Variants in CCSER1 observed in about 807,000 individuals in gnomAD.
The protein encoded by CCSER1 is coiled-coil serine rich protein 1, also known as serine-rich coiled-coil domain-containing protein 1.
In CCSER1, 41 loss-of-function variants were observed where a neutral mutation model predicts 82.0. The observed-to-expected ratio is 0.50, with a 90% CI of 0.39 to 0.65. CCSER1 has a LOEUF of 0.65. Ranked by LOEUF, CCSER1 falls within the 30% of genes least tolerant of loss-of-function variation. The pLI is 0.00. For synonymous variants in CCSER1, 414 were observed against 383.9 expected, an observed-to-expected ratio of 1.08 and a Z score of -0.92; for missense variants, 1,119 against 1,064.2, an observed-to-expected ratio of 1.05 and a Z score of -0.72.
At chr4:90,625,398 A>C (rs1723081609) in intron 5 of CCSER1, among the ~76,000 whole-genome samples, 2 of 152,182 alleles carry the variant, frequency 1.3e-5, no homozygotes, top group South Asian at 4.1e-4. Context: ...TCAGAAAGAC[A>C]ATGGCAATCA....
intron 6 of CCSER1, among the ~76,000 whole-genome samples, chr4:90,634,082 A>G (rs1246071626): frequency 6.6e-6 from 1 of 151,668 alleles, no homozygotes; most frequent in Non-Finnish European, 1.5e-5. Flanking sequence ...TCTATAAAAG[A>G]AAATGTTTAA....
At position 91,599,018 on chromosome 4, in the gene CCSER1, C is replaced by A. The variant is rs887530915; in HGVS notation, c.2664C>A (p.His888Gln). 29 of 1,549,072 alleles carry A rather than the reference C, an allele frequency of 1.9e-5. No homozygotes were observed. Among genetic ancestry groups the A allele is most frequent in the African/African-American group, 2.7e-5 (2 of 73,000 alleles). Residue 888 changes from histidine (H) to glutamine (Q), a missense_variant, in exon 11 of 11, where the codon CAC becomes CAA. His to Gln is a conservative substitution (Grantham distance 24, BLOSUM62 0). Coordinates refer to ENST00000509176, the MANE Select transcript of CCSER1 (RefSeq NM_001145065.2). The stretch of plus-strand genomic sequence containing the variant: ...ATGTGTTTCTCCACCACAATTTACA[C>A]AGCACTGAGCTGCAAACTCTAGGCC... ...RKNVFLHHNL[H>Q]STELQTLGQQ...
chr4:90,440,568 G>C (rs1045876953), intron 4 of CCSER1, among the ~76,000 whole-genome samples: 2 of 152,174 alleles, frequency 1.3e-5, no homozygotes, highest in African/African-American at 4.8e-5. Context: ...GGTTGGACAG[G>C]CAGTTGGTGG....
At chr4:91,153,976 C>T (rs531272263) in intron 10 of CCSER1, among the ~76,000 whole-genome samples, 1 of 152,086 alleles carries the variant, frequency 6.6e-6, no homozygotes, top group East Asian at 1.9e-4. Context: ...CTTGAGGAGG[C>T]AGTCTGTCCA....
At chr4:90,446,963 A>G (rs376368327) in intron 4 of CCSER1, among the ~76,000 whole-genome samples, 2 of 152,170 alleles carry the variant, frequency 1.3e-5, no homozygotes, top group South Asian at 2.1e-4. Context: ...ACTATATTGT[A>G]AGAATACAGC....
chr4:90,319,522 G>A (rs962483927), intron 3 of CCSER1, among the ~76,000 whole-genome samples: 2 of 152,002 alleles, frequency 1.3e-5, no homozygotes, highest in African/African-American at 2.4e-5. Context: ...GTGGTGGCAC[G>A]CGCCTGTAGT....
chr4:91,436,521 T>C (rs1329647247), intron 10 of CCSER1, among the ~76,000 whole-genome samples: 1 of 152,234 alleles, frequency 6.6e-6, no homozygotes, highest in African/African-American at 2.4e-5. Flanking sequence ...CAGTTTTGAA[T>C]TATTAGAGAT....
intron 3 of CCSER1, among the ~76,000 whole-genome samples, chr4:90,334,755 C>T (rs962065695): frequency 6.6e-6 from 1 of 152,130 alleles, no homozygotes; most frequent in Non-Finnish European, 1.5e-5. Flanking sequence ...AAGAGAAGGA[C>T]ACCAATGAAT....
chr4:91,283,882 T>G (rs1743092873), intron 10 of CCSER1, among the ~76,000 whole-genome samples: 1 of 152,108 alleles, frequency 6.6e-6, no homozygotes, highest in Admixed American at 6.6e-5. Context: ...AGCTCTGTGT[T>G]GTAAACATGA....
chr4:90,990,852 A>T (rs1393340292), intron 9 of CCSER1, among the ~76,000 whole-genome samples: 1 of 151,926 alleles, frequency 6.6e-6, no homozygotes, highest in African/African-American at 2.4e-5. Flanking sequence ...TCAAAAACAG[A>T]CCTGGGGTTG....
chr4:90,609,689 A>G (rs1284063996), intron 5 of CCSER1, among the ~76,000 whole-genome samples: 2 of 152,170 alleles, frequency 1.3e-5, no homozygotes, highest in Non-Finnish European at 2.9e-5. Context: ...CCTGTCTCTA[A>G]ATCTAGCTAT....
At chr4:90,430,546 T>C (rs1456913318) in intron 4 of CCSER1, among the ~76,000 whole-genome samples, 1 of 151,924 alleles carries the variant, frequency 6.6e-6, no homozygotes, top group Non-Finnish European at 1.5e-5. Flanking sequence ...CACTTCTTAC[T>C]GCCTCTCAGG....
At chr4:91,021,189 C>G (rs982395681) in intron 9 of CCSER1, among the ~76,000 whole-genome samples, 1 of 152,048 alleles carries the variant, frequency 6.6e-6, no homozygotes, top group African/African-American at 2.4e-5. Flanking sequence ...TGACTATTTT[C>G]TTTTAGTCTC....
rs72872954 is a variant in CCSER1 at position 91,165,919 on chromosome 4, C to G, written c.2217+79925C>G. On this transcript the variant is annotated intron_variant, in intron 10 of 10. Coordinates refer to ENST00000509176, the MANE Select transcript of CCSER1 (RefSeq NM_001145065.2). ...GGTGGTATCCTGCCCAGCTTTGGCT[C>G]ACCCTCCATGGGCTGCACCTACTGT... 8.9e-3 allele frequency among the ~76,000 whole-genome samples: 1,358 copies of G among 152,310 alleles called. 20 individuals carry two copies. Among genetic ancestry groups the G allele is most frequent in the African/African-American group, 0.031 (1,273 of 41,562 alleles).
intron 10 of CCSER1, among the ~76,000 whole-genome samples, chr4:91,278,046 C>T (rs1182092474): frequency 1.3e-5 from 2 of 151,984 alleles, no homozygotes; most frequent in Non-Finnish European, 2.9e-5. Context: ...TGAGAGGATA[C>T]TTGATATATT....
At chr4:90,188,377 G>A (rs79818521) in intron 1 of CCSER1, among the ~76,000 whole-genome samples, 2,209 of 151,922 alleles carry the variant, frequency 0.015, 62 homozygotes, top group African/African-American at 0.048. Flanking sequence ...AGACTTTAAT[G>A]TAGCTTCTAT....
At chr4:91,117,989 T>G (rs923219467) in intron 10 of CCSER1, among the ~76,000 whole-genome samples, 8 of 152,202 alleles carry the variant, frequency 5.3e-5, no homozygotes, top group African/African-American at 1.4e-4. Context: ...CAAAATCTAT[T>G]GTAAATTGTT....
intron 7 of CCSER1, among the ~76,000 whole-genome samples, chr4:90,795,521 T>C (rs1755879108): frequency 1.3e-5 from 2 of 152,198 alleles, no homozygotes; most frequent in Admixed American, 6.5e-5. Context: ...GCCAGGACTT[T>C]CAATACTATG....
chr4:91,436,802 G>A (rs1306342912), intron 10 of CCSER1, among the ~76,000 whole-genome samples: 2 of 152,206 alleles, frequency 1.3e-5, no homozygotes, highest in Non-Finnish European at 2.9e-5. Context: ...AAGCCACAGA[G>A]AAAGTCTAGT....
Sources: gnomAD v4.1 joint callset for allele counts (sites outside exome capture counted in the v4.1 genomes callset) on GRCh38, gnomAD v4.1.1 for gene constraint, MANE v1.5 for transcripts, NCBI Gene and HGNC (gene_info 2026-07-23, HGNC 2026-07-21) for gene names.